TTC6: variants seen among roughly 807,000 people sequenced by gnomAD.
TTC6 encodes tetratricopeptide repeat protein 6.
A neutral mutation model predicts 210.4 loss-of-function variants in TTC6; 172 were observed. The ratio of observed to expected loss-of-function variants is 0.82; its 90% CI spans 0.72 to 0.93. The LOEUF (loss-of-function observed/expected upper bound fraction) is 0.93, where lower values mean the gene tolerates loss of function less well. TTC6 is among the 40% of genes least tolerant of loss of function. The pLI is 0.00. For synonymous variants in TTC6, 804 were observed against 819.6 expected (o/e 0.98, Z 0.32); for missense variants, 2,414 against 2,318.1 (o/e 1.04, Z -0.85).
chr14:37,770,813 A>C (rs547399046), intron 14 of TTC6, among the ~76,000 whole-genome samples: 5,465 of 147,920 alleles, frequency 0.037, 130 homozygotes, highest in South Asian at 0.096. Flanking sequence ...ATTTAAAGTT[A>C]ATATTGTTAT....
chr14:37,791,060 A>C, intron 16 of TTC6, among the ~76,000 whole-genome samples: 1 of 152,308 alleles, frequency 6.6e-6, no homozygotes, highest in East Asian at 1.9e-4. Context: ...CAAATTTTAG[A>C]AGTTAAATGG....
chr14:37,630,159 T>G (rs2095666909), intron 1 of TTC6, among the ~76,000 whole-genome samples: 1 of 152,208 alleles, frequency 6.6e-6, no homozygotes, highest in Non-Finnish European at 1.5e-5. Flanking sequence ...CTAGTTCTTT[T>G]AACCGTCATG....
At chr14:37,749,013 G>A (rs753395497) in exon 11 of TTC6, 5 of 1,535,262 alleles carry the variant, frequency 3.3e-6, no homozygotes, top group African/African-American at 2.7e-5. Flanking sequence ...CGTCAAATAC[G>A]GTGTCCCAGT....
intron 5 of TTC6, among the ~76,000 whole-genome samples, chr14:37,711,608 G>A (rs1022804): frequency 0.2 from 30,424 of 151,966 alleles, 3,386 homozygotes; most frequent in South Asian, 0.27. Context: ...GAAGGTTGGG[G>A]GAAGGAAGCA....
chr14:37,677,465 A>T (rs1162829180), intron 1 of TTC6, among the ~76,000 whole-genome samples: 6 of 151,968 alleles, frequency 3.9e-5, no homozygotes, highest in Non-Finnish European at 8.8e-5. Context: ...GATTTTCTGT[A>T]TATGTGTAAT....
chr14:37,696,677 T>G lies in TTC6; in HGVS notation c.1258-40T>G, dbSNP rs781070096. 5 of 1,032,618 alleles carry G rather than the reference T, an allele frequency of 4.8e-6. 1 individual carries two copies. In the East Asian group the frequency reaches 1.5e-4, roughly 30 times the overall value. 64.0% of individuals were successfully genotyped at this position (1,032,618 alleles called of 1,614,324 possible). A position where few individuals can be genotyped will look rare whatever the true frequency, so the allele number is the denominator to read the frequency against. ...TGAGAGAAAGATCTAACTCTCATGT[T>G]ACATCTTCTCTTAACAGCACACTTT... On this transcript the variant is annotated intron_variant, in intron 3 of 30. Coordinates refer to ENST00000553443, the Ensembl canonical transcript of TTC6.
rs1274228975 is a variant in TTC6 at position 37,738,660 on chromosome 14, TTTAAA to T, written c.1984-111_1984-107del. On this transcript the variant is annotated intron_variant, in intron 9 of 30. Coordinates refer to ENST00000553443, the Ensembl canonical transcript of TTC6. Reference sequence around the variant, plus strand: ...TTTTAAGAATACTGATTTTTAAACTTTTAAATTAAGTGACCAAACCACATTAATAG... The same window carrying T: ...TTTTAAGAATACTGATTTTTAAACTTTTAAGTGACCAAACCACATTAATAG... 28 of 931,792 alleles carry T rather than the reference TTTAAA, an allele frequency of 3.0e-5. No individual in the cohort carries two copies. In the African/African-American group the frequency reaches 4.6e-4, roughly 15 times the overall value. 57.7% of individuals were successfully genotyped at this position (931,792 alleles called of 1,614,324 possible).
intron 3 of TTC6, among the ~76,000 whole-genome samples, chr14:37,688,778 A>C (rs1416988828): frequency 2.0e-5 from 3 of 152,188 alleles, no homozygotes; most frequent in Non-Finnish European, 4.4e-5. Context: ...CCTAAAGCAG[A>C]TACAGCTGAG....
intron 6 of TTC6, among the ~76,000 whole-genome samples, chr14:37,721,216 A>G (rs1409395247): frequency 1.3e-5 from 2 of 152,064 alleles, no homozygotes; most frequent in African/African-American, 4.8e-5. Context: ...TTCATACTTT[A>G]TTATGTTAAA....
intron 10 of TTC6, among the ~76,000 whole-genome samples, chr14:37,739,403 C>A (rs2095911422): frequency 6.6e-6 from 1 of 151,490 alleles, no homozygotes; most frequent in Admixed American, 6.6e-5. Flanking sequence ...ATGGTGAAAC[C>A]CCTCTCTACC....
exon 10 of TTC6, chr14:37,739,044 G>A (rs1425713433): frequency 2.0e-6 from 3 of 1,535,400 alleles, no homozygotes; most frequent in East Asian, 4.9e-5. Flanking sequence ...GCTGGCATTA[G>A]TTACATTGTT....
intron 14 of TTC6, among the ~76,000 whole-genome samples, chr14:37,786,817 T>A (rs2096068893): frequency 6.6e-6 from 1 of 152,364 alleles, no homozygotes; most frequent in Non-Finnish European, 1.5e-5. Context: ...AGCTTCTTTC[T>A]TCTGTTTTTC....
chr14:37,772,931 A>G (rs1036922247), intron 14 of TTC6, among the ~76,000 whole-genome samples: 1 of 152,152 alleles, frequency 6.6e-6, no homozygotes, highest in Admixed American at 6.5e-5. Flanking sequence ...TGTCATTTTA[A>G]TAATAGCCAT....
intron 10 of TTC6, 72 bp downstream of exon 12, chr14:37,739,227 C>T: frequency 1.5e-6 from 2 of 1,325,920 alleles, no homozygotes; most frequent in South Asian, 1.6e-5. Flanking sequence ...ATAATCTCAC[C>T]CCATGAAGTT....
intron 14 of TTC6, among the ~76,000 whole-genome samples, chr14:37,769,006 C>A (rs1294380472): frequency 6.6e-6 from 1 of 152,146 alleles, no homozygotes; most frequent in Non-Finnish European, 1.5e-5. Context: ...GAGTTTTTAG[C>A]AAGAAGGGCT....
At chr14:37,812,588 C>T (rs1373373872) in intron 25 of TTC6, among the ~76,000 whole-genome samples, 155 bp downstream of exon 27, 7 of 132,618 alleles carry the variant, frequency 5.3e-5, no homozygotes, top group African/African-American at 1.2e-4. Context: ...CTAATAGGCT[C>T]TTTGAAAAAA....
At chr14:37,796,304 C>T (rs1244656718) in exon 19 of TTC6, 1 of 1,280,798 alleles carries the variant, frequency 7.8e-7, no homozygotes, top group East Asian at 2.5e-5. Flanking sequence ...AGGACAATAT[C>T]TTCTTATGAT....
chr14:37,659,132 A>G (rs112847129), intron 1 of TTC6, among the ~76,000 whole-genome samples: 3 of 152,150 alleles, frequency 2.0e-5, no homozygotes, highest in African/African-American at 7.2e-5. Flanking sequence ...TTATGGCTGC[A>G]TAGTATTTCA....
At chr14:37,624,872 C>T (rs906972068) in intron 1 of TTC6, among the ~76,000 whole-genome samples, 4 of 152,176 alleles carry the variant, frequency 2.6e-5, no homozygotes, top group Admixed American at 6.5e-5. Context: ...CCGCCCGCCT[C>T]GGCCTCCCAA....
Sources: gnomAD v4.1 joint callset for allele counts (sites outside exome capture counted in the v4.1 genomes callset) on GRCh38, gnomAD v4.1.1 for gene constraint, MANE v1.5 for transcripts, NCBI Gene and HGNC (gene_info 2026-07-23, HGNC 2026-07-21) for gene names.